XPNPEP3: variants seen among roughly 807,000 people sequenced by gnomAD.
XPNPEP3 encodes the protein xaa-Pro aminopeptidase 3.
In XPNPEP3, 41 loss-of-function variants were observed where a neutral mutation model predicts 60.0. That is an observed-to-expected ratio of 0.68 (90% CI 0.53 to 0.89). The LOEUF (loss-of-function observed/expected upper bound fraction) is 0.89, where lower values mean the gene tolerates loss of function less well. XPNPEP3 is among the 40% of genes least tolerant of loss of function. XPNPEP3 has a pLI of 0.00. For missense variants in XPNPEP3, 598 were observed against 638.9 expected, an observed-to-expected ratio of 0.94 and a Z score of 0.69; for synonymous variants, 212 against 223.2, an observed-to-expected ratio of 0.95 and a Z score of 0.45.
At chr22:40,903,194 T>C (rs953886604) in intron 4 of XPNPEP3, among the ~76,000 whole-genome samples, 1 of 152,204 alleles carries the variant, frequency 6.6e-6, no homozygotes, top group Non-Finnish European at 1.5e-5. Context: ...GCAGAACAGC[T>C]CAGGCTAATT....
chr22:40,926,588 G>A lies in XPNPEP3; in HGVS notation c.*153G>A. 5.9e-6 allele frequency: 6 copies of A among 1,016,374 alleles called. No homozygotes were observed. Among genetic ancestry groups the A allele is most frequent in the Non-Finnish European group, 9.0e-6 (6 of 664,852 alleles). 63.0% of individuals were successfully genotyped at this position (1,016,374 alleles called of 1,614,324 possible). On this transcript the variant is annotated 3_prime_UTR_variant, in exon 10 of 10. Transcript: ENST00000357137. ...TGTGAATGTATGTAATTGTGTGTGGGGGGTTTTTTGTTTTAAGTAGTTAGA... is the reference window on the plus strand; with the variant it reads ...TGTGAATGTATGTAATTGTGTGTGGAGGGTTTTTTGTTTTAAGTAGTTAGA...
At chr22:40,881,439 A>G (rs962783610) in intron 2 of XPNPEP3, among the ~76,000 whole-genome samples, 3 of 150,134 alleles carry the variant, frequency 2.0e-5, no homozygotes, top group African/African-American at 7.4e-5. Flanking sequence ...CTGGGCAACA[A>G]GAGCGAAACT....
chr22:40,863,744 C>G (rs1458822914), intron 1 of XPNPEP3, among the ~76,000 whole-genome samples: 1 of 152,198 alleles, frequency 6.6e-6, no homozygotes, highest in Admixed American at 6.5e-5. Flanking sequence ...ATTTAACTGA[C>G]ACAGCACTCT....
intron 4 of XPNPEP3, among the ~76,000 whole-genome samples, chr22:40,891,628 G>A (rs892875733): frequency 6.6e-6 from 1 of 151,806 alleles, no homozygotes; most frequent in Non-Finnish European, 1.5e-5. Context: ...ACTCCAGCCT[G>A]GGTGACAGAG....
At chr22:40,897,455 T>C (rs1379620496) in intron 4 of XPNPEP3, among the ~76,000 whole-genome samples, 1 of 152,056 alleles carries the variant, frequency 6.6e-6, no homozygotes, top group Non-Finnish European at 1.5e-5. Flanking sequence ...TTCTTTGGGG[T>C]ATATACCCAG....
chr22:40,906,240 G>A (rs1159680554), intron 4 of XPNPEP3, among the ~76,000 whole-genome samples: 4 of 151,932 alleles, frequency 2.6e-5, no homozygotes, highest in African/African-American at 9.7e-5. Context: ...CTGGGAGGCT[G>A]AAAACATTAA....
chr22:40,878,823 G>A (rs1281213676), intron 2 of XPNPEP3, among the ~76,000 whole-genome samples: 2 of 152,064 alleles, frequency 1.3e-5, no homozygotes, highest in African/African-American at 4.8e-5. Context: ...CCTGACCTCA[G>A]GTGATCTGCC....
At chr22:40,884,450 C>T (rs2058060563) in intron 3 of XPNPEP3, among the ~76,000 whole-genome samples, 1 of 151,752 alleles carries the variant, frequency 6.6e-6, no homozygotes, top group Admixed American at 6.6e-5. Context: ...CTGCCTCAGC[C>T]TCCCGTGTAG....
rs201683698 is a variant in XPNPEP3 at position 40,878,523 on chromosome 22, CAT to C, written c.182-3245_182-3244del. ...TTACTAATGAAAATGAGAGATAACA[CAT>C]AGTTATTAAAATTATGGATTTTCTT... is the stretch of plus-strand genomic sequence containing the variant. On this transcript the variant is annotated intron_variant, in intron 2 of 9. Transcript: ENST00000357137. Among the ~76,000 whole-genome samples, 776 of 151,808 alleles carry C rather than the reference CAT, an allele frequency of 5.1e-3. 3 individuals are homozygous for C. Among genetic ancestry groups the C allele is most frequent in the African/African-American group, 0.018 (725 of 41,396 alleles).
At chr22:40,874,767 A>T (rs1010707950) in intron 2 of XPNPEP3, among the ~76,000 whole-genome samples, 1 of 152,172 alleles carries the variant, frequency 6.6e-6, no homozygotes, top group Non-Finnish European at 1.5e-5. Context: ...TTTCTCACAT[A>T]CACCACTAAC....
chr22:40,869,198 C>T (rs912713749), intron 2 of XPNPEP3, 83 bp downstream of exon 2: 1 of 1,228,340 alleles, frequency 8.1e-7, no homozygotes, highest in Non-Finnish European at 1.2e-6. Context: ...GCAGTAAGCT[C>T]TGGATCTGTG....
chr22:40,887,094 C>T (rs542235895), intron 4 of XPNPEP3, among the ~76,000 whole-genome samples: 23 of 152,130 alleles, frequency 1.5e-4, no homozygotes, highest in African/African-American at 5.5e-4. Context: ...GTTTCTTTTC[C>T]TTATAGTTAC....
chr22:40,921,393 G>A (rs547648836), intron 7 of XPNPEP3, among the ~76,000 whole-genome samples: 124 of 150,140 alleles, frequency 8.3e-4, no homozygotes, highest in African/African-American at 2.8e-3. Flanking sequence ...GCATTTTAGT[G>A]TATATAAAGA....
chr22:40,909,295 G>C (rs1374975941), intron 6 of XPNPEP3, 60 bp downstream of exon 6: 2 of 1,311,012 alleles, frequency 1.5e-6, no homozygotes, highest in Middle Eastern at 1.8e-4. Flanking sequence ...TAGAAAACCT[G>C]CTAACCTCAT....
Position 40,882,097 on chromosome 22 carries a change from C to T in XPNPEP3, c.509C>T (p.Thr170Ile). The part of the protein sequence containing the change: ...RELWDGPRSG[T>I]DGAIALTGVD... ...CTTTGGGATGGTCCGCGATCTGGCA[C>T]TGATGGAGCAATAGCTCTAACTGGA... The change falls in exon 3 of 10, where the codon ACT (threonine) becomes ATT (isoleucine). Residue 170 changes from threonine to isoleucine, a missense_variant. Thr to Ile is a moderately conservative substitution (Grantham distance 89). Transcript: ENST00000357137. 6.2e-7 allele frequency: 1 copy of T among 1,614,108 alleles called. No homozygotes were observed. Among genetic ancestry groups the T allele is most frequent in the African/African-American group, 1.3e-5 (1 of 75,020 alleles).
At chr22:40,915,792 T>C (rs773530347) in intron 7 of XPNPEP3, among the ~76,000 whole-genome samples, 5 of 152,180 alleles carry the variant, frequency 3.3e-5, no homozygotes, top group Non-Finnish European at 7.3e-5. Context: ...TTAAAAATCC[T>C]TGGCTGATTA....
intron 7 of XPNPEP3, among the ~76,000 whole-genome samples, chr22:40,920,369 CAAAAAAAG>C (rs1352189994): frequency 6.6e-6 from 1 of 151,208 alleles, no homozygotes; most frequent in East Asian, 1.9e-4. Context: ...AACTCCATCT[CAAAAAAAG>C]AAAAAAAGAA....
intron 7 of XPNPEP3, among the ~76,000 whole-genome samples, chr22:40,916,710 A>G (rs1316282845): frequency 6.6e-6 from 1 of 152,236 alleles, no homozygotes; most frequent in Non-Finnish European, 1.5e-5. Context: ...TAACTAAAAG[A>G]GATTTTAGTT....
rs547426351 is a variant in XPNPEP3, at chr22:40,870,701, G to A, written c.181+1586G>A. Among the ~76,000 whole-genome samples, 9 of 152,238 alleles carry A rather than the reference G, an allele frequency of 5.9e-5. 1 individual carries two copies. In the South Asian group the frequency reaches 1.9e-3, roughly 32 times the overall value. ...GTGGAAGTGTTAAAGTGATTGTAGGGTGAAGCAGAGTAAATTTTTAAGAAA... is the reference window on the plus strand; with the variant it reads ...GTGGAAGTGTTAAAGTGATTGTAGGATGAAGCAGAGTAAATTTTTAAGAAA... On this transcript the variant is annotated intron_variant, in intron 2 of 9. Transcript: ENST00000357137.
Sources: gnomAD v4.1 joint callset for allele counts (sites outside exome capture counted in the v4.1 genomes callset) on GRCh38, gnomAD v4.1.1 for gene constraint, MANE v1.5 for transcripts, NCBI Gene and HGNC (gene_info 2026-07-23, HGNC 2026-07-21) for gene names.